The following ABCA12 variants were observed in gnomAD, a reference collection of about 807,000 sequenced individuals.
ABCA12 encodes ATP binding cassette subfamily A member 12.
In ABCA12, 156 loss-of-function variants were observed where a neutral mutation model predicts 293.5. That is an observed-to-expected ratio of 0.53 (90% confidence interval 0.47 to 0.61). The LOEUF (loss-of-function observed/expected upper bound fraction) is 0.61, where lower values mean the gene tolerates loss of function less well. Among genes scored for constraint, ABCA12 ranks in the 20% least tolerant of loss-of-function variants. The probability of loss-of-function intolerance (pLI) is 0.00; values close to 1 mark genes in which losing one functional copy is unlikely to be tolerated. For missense variants in ABCA12, 2,797 were observed against 3,090.2 expected, an observed-to-expected ratio of 0.91 and a Z score of 2.25; for synonymous variants, 1,063 against 1,108.0, an observed-to-expected ratio of 0.96 and a Z score of 0.81.
At chr2:214,947,762 G>A (rs184685018) in intron 47 of ABCA12, 1 of 613,916 alleles carries the variant, frequency 1.6e-6, no homozygotes, top group African/African-American at 1.9e-5. Context: ...AGATTCTTTG[G>A]AGGCTCATTT....
chr2:215,009,823 TA>T (rs771986714), intron 18 of ABCA12, among the ~76,000 whole-genome samples: 37 of 152,304 alleles, frequency 2.4e-4, no homozygotes, highest in Non-Finnish European at 4.0e-4. Flanking sequence ...CTATTATGGT[TA>T]AATGAAGTAA....
chr2:214,996,913 T>G (rs1371126091), intron 23 of ABCA12, among the ~76,000 whole-genome samples: 1 of 152,196 alleles, frequency 6.6e-6, no homozygotes, highest in South Asian at 2.1e-4. Context: ...AGTTTTGAAA[T>G]GTTTCACCTT....
intron 2 of ABCA12, among the ~76,000 whole-genome samples, chr2:215,106,301 ATT>A (rs139830416): frequency 6.7e-6 from 1 of 148,738 alleles, no homozygotes; most frequent in Admixed American, 6.7e-5. Flanking sequence ...TCCTTCTCAC[ATT>A]TTTTTTTTCC....
At chr2:214,958,760 A>G (rs1042250611) in intron 40 of ABCA12, among the ~76,000 whole-genome samples, 19 of 152,142 alleles carry the variant, frequency 1.2e-4, no homozygotes, top group African/African-American at 4.6e-4. Flanking sequence ...CTTAATTGCT[A>G]TGCAGGGAAG....
At chr2:215,104,925 G>A (rs563635720) in intron 2 of ABCA12, among the ~76,000 whole-genome samples, 25 of 152,202 alleles carry the variant, frequency 1.6e-4, no homozygotes, top group African/African-American at 6.0e-4. Flanking sequence ...GATTTACCTG[G>A]ATCTGAAAAA....
chr2:215,076,895 G>T lies in ABCA12; in HGVS notation c.164-12676C>A, dbSNP rs572941532. 6.6e-5 allele frequency among the ~76,000 whole-genome samples: 10 copies of T among 152,262 alleles called. No individual in the cohort carries two copies. In the South Asian group the frequency reaches 2.1e-3, roughly 32 times the overall value. On this transcript the variant is annotated intron_variant, in intron 2 of 52. Coordinates refer to ENST00000272895, the MANE Select transcript of ABCA12 (RefSeq NM_173076.3). ...ATACAAAAGGATGTGTGAGTGGGATGCTATTTACATAACATTTAGACACTT... is the reference window on the plus strand; with the variant it reads ...ATACAAAAGGATGTGTGAGTGGGATTCTATTTACATAACATTTAGACACTT...
At chr2:215,041,220 G>A (rs1282745789) in intron 7 of ABCA12, among the ~76,000 whole-genome samples, 2 of 152,050 alleles carry the variant, frequency 1.3e-5, no homozygotes, top group African/African-American at 2.4e-5. Flanking sequence ...AAGAAATACT[G>A]CTGAATTAAA....
intron 39 of ABCA12, chr2:214,962,025 A>G (rs1258123586): frequency 1.3e-5 from 2 of 152,210 alleles, no homozygotes. Context: ...CCTACTTAAT[A>G]GACTATTAGG....
intron 1 of ABCA12, among the ~76,000 whole-genome samples, chr2:215,134,617 A>G (rs1203239507): frequency 2.8e-5 from 2 of 72,384 alleles, no homozygotes; most frequent in Non-Finnish European, 4.7e-5. Context: ...ATATATATAT[A>G]GAGAGAGAGA....
intron 2 of ABCA12, among the ~76,000 whole-genome samples, chr2:215,081,255 A>G (rs1246991221): frequency 2.6e-5 from 4 of 152,148 alleles, no homozygotes; most frequent in Admixed American, 2.0e-4. Context: ...AGGCAGTCCG[A>G]TCACCTGAGA....
intron 7 of ABCA12, among the ~76,000 whole-genome samples, chr2:215,040,778 C>T (rs947417177): frequency 1.3e-5 from 2 of 152,210 alleles, no homozygotes; most frequent in South Asian, 4.1e-4. Context: ...TACCACTGCA[C>T]TCCAGACTGG....
intron 1 of ABCA12, among the ~76,000 whole-genome samples, chr2:215,133,352 T>A (rs1414538771): frequency 6.6e-6 from 1 of 151,850 alleles, no homozygotes; most frequent in East Asian, 1.9e-4. Flanking sequence ...CTCTAAAATA[T>A]GTTTTTCAAG....
At position 215,089,845 on chromosome 2, in the gene ABCA12, C is replaced by T. The variant is rs73074477; in HGVS notation, c.163+21752G>A. ...GACCAGTTTTTTAAAGCATGAACTG[C>T]AACAAACAAGTGGTGTTCTTTGACT... On this transcript the variant is annotated intron_variant, in intron 2 of 52. Transcript: ENST00000272895. Among the ~76,000 whole-genome samples the T allele has an allele frequency of 3.1e-3, 478 of 152,282 alleles. 5 individuals are homozygous for T. Among genetic ancestry groups the T allele is most frequent in the African/African-American group, 0.011 (467 of 41,558 alleles).
chr2:215,000,490 T>C (rs920729180), intron 22 of ABCA12, among the ~76,000 whole-genome samples: 4 of 152,218 alleles, frequency 2.6e-5, no homozygotes, highest in Non-Finnish European at 4.4e-5. Context: ...AGGGTTTTTA[T>C]AGATCATTTG....
chr2:214,987,730 A>G lies in ABCA12; in HGVS notation c.3893T>C (p.Phe1298Ser). 1.2e-6 allele frequency: 2 copies of G among 1,614,020 alleles called. No individual in the cohort carries two copies. The highest frequency in any genetic ancestry group is 8.5e-7 in the Non-Finnish European group (1 of 1,179,970). Reference sequence around the variant, plus strand: ...CTCAGGCTTCACCTCTGCACACCCAAATCGCTCCTTCCAATAGGAAGGAAG... The same window carrying G: ...CTCAGGCTTCACCTCTGCACACCCAGATCGCTCCTTCCAATAGGAAGGAAG... ...PILPSYWKER[F>S]GCAEVKPEKS... The change falls in exon 27 of 53, where the codon TTT becomes TCT. Residue 1298 changes from phenylalanine (F) to serine (S), a missense_variant. Phe to Ser is a radical substitution (Grantham distance 155). This residue lies in a region of ABCA12 where 2,130 missense variants were observed against 2,427.0 expected (regional missense o/e 0.88). Transcript: ENST00000272895.
At position 215,011,752 on chromosome 2, in the gene ABCA12, G is replaced by C. The variant is rs538189407; in HGVS notation, c.2122-103C>G. 4.9e-4 allele frequency: 597 copies of C among 1,221,202 alleles called. 1 individual carries two copies. The highest frequency in any genetic ancestry group is 6.5e-4 in the Non-Finnish European group (542 of 828,024). 75.6% of individuals were successfully genotyped at this position (1,221,202 alleles called of 1,614,324 possible). A position where few individuals can be genotyped will look rare whatever the true frequency, so the allele number is the denominator to read the frequency against. On this transcript the variant is annotated intron_variant, in intron 16 of 52. Coordinates refer to ENST00000272895, the MANE Select transcript of ABCA12 (RefSeq NM_173076.3). ...TGATAATACTTAGAGTATCCTTACA[G>C]TTTCCATAATTCCTTTTATATGTTT...
At position 215,116,133 on chromosome 2, in the gene ABCA12, T is replaced by G. The variant is rs140834356; in HGVS notation, c.70-4443A>C. Among the ~76,000 whole-genome samples the G allele has an allele frequency of 3.7e-4, 56 of 152,340 alleles. No individual in the cohort carries two copies. The East Asian group carries it at 7.3e-3, about 20-fold the overall frequency. ...TGGGCATAAACTCCTAATTCCCAAA[T>G]GTATAAAGAGGCATAAAATGCAGAT... On this transcript the variant is annotated intron_variant, in intron 1 of 52. Transcript: ENST00000272895.
intron 2 of ABCA12, among the ~76,000 whole-genome samples, chr2:215,090,206 C>A (rs115665716): frequency 6.6e-6 from 1 of 152,124 alleles, no homozygotes; most frequent in African/African-American, 2.4e-5. Context: ...CCTTTGCTGA[C>A]TCTCTTTTCG....
At chr2:215,124,452 A>C (rs1347331484) in intron 1 of ABCA12, among the ~76,000 whole-genome samples, 1 of 152,038 alleles carries the variant, frequency 6.6e-6, no homozygotes, top group Non-Finnish European at 1.5e-5. Context: ...TTCCCTGTTC[A>C]CCTCATCCAT....
Sources: allele counts gnomAD v4.1 joint callset (sites outside exome capture counted in the v4.1 genomes callset), GRCh38; gene constraint gnomAD v4.1.1; regional missense constraint gnomAD v4.1.1; transcripts MANE v1.5; gene names NCBI Gene and HGNC (gene_info 2026-07-23, HGNC 2026-07-21).